TM7SF3: variants seen among roughly 807,000 people sequenced by gnomAD.
TM7SF3 encodes the protein seven span transmembrane protein.
A neutral mutation model predicts 65.5 loss-of-function variants in TM7SF3; 60 were observed. That is an observed-to-expected ratio of 0.92 (90% CI 0.74 to 1.14). TM7SF3 has a LOEUF of 1.14. Among genes scored for constraint, TM7SF3 ranks in the 50% most tolerant of loss-of-function variants. The pLI is 0.00. For missense variants in TM7SF3, 623 were observed against 684.8 expected (o/e 0.91, Z 1.01); for synonymous variants, 264 against 259.6 (o/e 1.02, Z -0.16).
chr12:26,980,020 G>A (rs949074759), intron 8 of TM7SF3, 84 bp from the exon 9 acceptor site: 3 of 1,510,126 alleles, frequency 2.0e-6, no homozygotes, highest in East Asian at 2.3e-5. Flanking sequence ...CGTTACCAGT[G>A]CCAGCTTCAG....
At chr12:27,010,410 T>C (rs1484086) in intron 1 of TM7SF3, among the ~76,000 whole-genome samples, 36,487 of 152,112 alleles carry the variant, frequency 0.24, 4,637 homozygotes, top group East Asian at 0.54. Context: ...AAGCATTACG[T>C]TGAGAAAGAG....
intron 10 of TM7SF3, 180 bp from the exon 11 acceptor site, chr12:26,975,838 T>C (rs1219130373): frequency 1.7e-6 from 1 of 604,300 alleles, no homozygotes; most frequent in African/African-American, 1.9e-5. Flanking sequence ...ACCTTCAACA[T>C]CCATATGAGT....
At chr12:26,990,001 T>C (rs1174938535) in intron 6 of TM7SF3, among the ~76,000 whole-genome samples, 2 of 152,172 alleles carry the variant, frequency 1.3e-5, no homozygotes, top group Middle Eastern at 3.2e-3. Flanking sequence ...CTGCAACCCC[T>C]GTCATCACTG....
chr12:26,998,945 C>T lies in TM7SF3; in HGVS notation c.397+581G>A, dbSNP rs185425140. Among the ~76,000 whole-genome samples, 713 of 152,320 alleles carry T rather than the reference C, an allele frequency of 4.7e-3. 4 individuals are homozygous for T. The highest frequency in any genetic ancestry group is 7.7e-3 in the Non-Finnish European group (524 of 68,030). ...TTTCTTCATGACGTCGAGCTTACTG[C>T]TTCTGCTTAGAACAACTAAACTGTT... On this transcript the variant is annotated intron_variant, in intron 3 of 11. Transcript: ENST00000343028.
In TM7SF3 at chr12:26,973,157, C is replaced by T. The variant is rs1939428493; in HGVS notation, c.*808G>A. 6.9e-6 allele frequency: 1 copy of T among 143,886 alleles called. No individual in the cohort carries two copies. Among genetic ancestry groups the T allele is most frequent in the African/African-American group, 2.6e-5 (1 of 38,920 alleles). 8.9% of individuals were successfully genotyped at this position (143,886 alleles called of 1,614,324 possible). ...GGCATGCAACTAAGTAATCAGACTG[C>T]TTTTAGTAAGAAAATAAGTTTTTTT... On this transcript the variant is annotated 3_prime_UTR_variant, in exon 12 of 12. Coordinates refer to ENST00000343028, the MANE Select transcript of TM7SF3 (RefSeq NM_016551.3).
At chr12:26,997,010 T>C (rs573183222) in intron 3 of TM7SF3, 148 bp from the exon 4 acceptor site, 5 of 963,182 alleles carry the variant, frequency 5.2e-6, no homozygotes, top group South Asian at 1.8e-5. Context: ...TACTATTTCA[T>C]GAACTGAGGT....
chr12:26,985,388 G>T (rs1276347602), intron 6 of TM7SF3, among the ~76,000 whole-genome samples: 3 of 151,796 alleles, frequency 2.0e-5, no homozygotes, highest in South Asian at 4.2e-4. Flanking sequence ...GACTTTGGGA[G>T]GCCGAGGCGG....
chr12:26,979,599 C>T, intron 9 of TM7SF3, 185 bp downstream of exon 9: 1 of 614,246 alleles, frequency 1.6e-6, no homozygotes, highest in East Asian at 2.8e-5. Flanking sequence ...ATCTACTGTG[C>T]CTTTGAGGAA....
intron 4 of TM7SF3, 63 bp from the exon 5 acceptor site, chr12:26,995,471 GA>G: frequency 6.5e-7 from 1 of 1,548,378 alleles, no homozygotes; most frequent in Middle Eastern, 1.7e-4. Flanking sequence ...CTATAAAAAG[GA>G]ACCAAGAGCC....
intron 6 of TM7SF3, among the ~76,000 whole-genome samples, chr12:26,987,503 A>C (rs1940152056): frequency 6.6e-6 from 1 of 152,256 alleles, no homozygotes; most frequent in Non-Finnish European, 1.5e-5. Context: ...CAATTTGAAC[A>C]TGAAAATAAA....
intron 2 of TM7SF3, 86 bp downstream of exon 2, chr12:27,003,150 G>T (rs1217936058): frequency 1.1e-6 from 1 of 902,974 alleles, no homozygotes; most frequent in Non-Finnish European, 1.7e-6. Context: ...AAAAGAGATA[G>T]AGATATCAAA....
intron 9 of TM7SF3, among the ~76,000 whole-genome samples, chr12:26,977,679 G>C (rs1445536419): frequency 6.6e-6 from 1 of 152,154 alleles, no homozygotes; most frequent in Admixed American, 6.5e-5. Flanking sequence ...ACTTGAACTC[G>C]GGAGGTGGAG....
At chr12:27,007,121 A>C (rs940691809) in intron 1 of TM7SF3, among the ~76,000 whole-genome samples, 2 of 152,250 alleles carry the variant, frequency 1.3e-5, no homozygotes, top group Non-Finnish European at 2.9e-5. Flanking sequence ...GATTAGGACC[A>C]AAAATTAATC....
At chr12:26,976,479 G>A in intron 9 of TM7SF3, 122 bp from the exon 10 acceptor site, 1 of 650,276 alleles carries the variant, frequency 1.5e-6, no homozygotes, top group South Asian at 1.8e-5. Context: ...GAATATGTTG[G>A]CAACTAGAAA....
At chr12:27,014,022 T>G in intron 1 of TM7SF3, 56 bp downstream of exon 1, 1 of 1,471,402 alleles carries the variant, frequency 6.8e-7, no homozygotes, top group Non-Finnish European at 9.3e-7. Flanking sequence ...GATTTTGACC[T>G]CGCAAGAAAT....
chr12:26,992,117 A>G (rs1021976965), intron 5 of TM7SF3, among the ~76,000 whole-genome samples: 3 of 152,176 alleles, frequency 2.0e-5, no homozygotes, highest in Admixed American at 1.3e-4. Flanking sequence ...AGGGGGTTAC[A>G]TCAGGATAAA....
In TM7SF3 at chr12:26,999,525, C is replaced by T; in HGVS notation, c.397+1G>A. On this transcript the variant is annotated splice_donor_variant, in intron 3 of 11. Coordinates refer to ENST00000343028, the MANE Select transcript of TM7SF3 (RefSeq NM_016551.3). LOFTEE classifies it high-confidence loss of function. ...GAGGGAGGAGAAGACAGAAGGGTTA[C>T]CTCTTTCTGAGTAGGAGAGTAGGAT... The T allele has an allele frequency of 6.2e-7, 1 of 1,613,986 alleles. No homozygotes were observed. The highest frequency in any genetic ancestry group is 8.5e-7 in the Non-Finnish European group (1 of 1,179,912).
At chr12:27,003,154 T>C (rs1012073454) in intron 2 of TM7SF3, 82 bp downstream of exon 2, 2 of 918,576 alleles carry the variant, frequency 2.2e-6, no homozygotes, top group African/African-American at 1.7e-5. Context: ...GAGATAGAGA[T>C]ATCAAATTCT....
intron 2 of TM7SF3, among the ~76,000 whole-genome samples, chr12:27,002,159 A>G (rs1004732143): frequency 1.3e-5 from 2 of 152,148 alleles, no homozygotes; most frequent in Non-Finnish European, 2.9e-5. Flanking sequence ...AGTGTGACCA[A>G]TGCCTCTAAT....
Sources: gnomAD v4.1 joint callset for allele counts (sites outside exome capture counted in the v4.1 genomes callset) on GRCh38, gnomAD v4.1.1 for gene constraint, MANE v1.5 for transcripts, NCBI Gene and HGNC (gene_info 2026-07-23, HGNC 2026-07-21) for gene names.